The following LIMK2 variants were observed in gnomAD, a reference collection of about 807,000 sequenced individuals.
LIMK2 encodes the protein LIM domain kinase 2.
In LIMK2, 35 loss-of-function variants were observed where a neutral mutation model predicts 75.7. The observed-to-expected ratio is 0.46, with a 90% CI of 0.35 to 0.61. The LOEUF is 0.61. Among genes scored for constraint, LIMK2 ranks in the 20% least tolerant of loss-of-function variants. LIMK2 has a pLI of 0.00. For missense variants in LIMK2, 623 were observed against 831.0 expected (o/e 0.75, Z 3.08); for synonymous variants, 301 against 319.2 (o/e 0.94, Z 0.61).
chr22:31,233,561 AC>A (rs2048546170), intron 2 of LIMK2, among the ~76,000 whole-genome samples: 1 of 152,162 alleles, frequency 6.6e-6, no homozygotes, highest in African/African-American at 2.4e-5. Context: ...CACACTGATG[AC>A]CCTAAAATCA....
intron 13 of LIMK2, 119 bp downstream of exon 13, chr22:31,272,823 G>C (rs1423790576): frequency 7.0e-7 from 1 of 1,426,768 alleles, no homozygotes; most frequent in Admixed American, 2.9e-5. Flanking sequence ...ACCCAGAGCT[G>C]AGGATATTTT....
At chr22:31,271,243 C>G (rs1000084059) in intron 12 of LIMK2, 42 bp downstream of exon 12, 3 of 1,546,554 alleles carry the variant, frequency 1.9e-6, no homozygotes, top group Non-Finnish European at 2.7e-6. Context: ...GGGTCCTATC[C>G]TTCCTGGCTT....
chr22:31,241,271 G>A (rs2048621640), intron 2 of LIMK2, among the ~76,000 whole-genome samples: 1 of 152,240 alleles, frequency 6.6e-6, no homozygotes, highest in South Asian at 2.1e-4. Flanking sequence ...ATTTGAGGCA[G>A]TTTTAGTATG....
At chr22:31,218,244 A>G (rs899407613) in intron 1 of LIMK2, among the ~76,000 whole-genome samples, 14 of 152,250 alleles carry the variant, frequency 9.2e-5, no homozygotes, top group African/African-American at 3.4e-4. Context: ...GAGAGGTCAA[A>G]TAATTTGCCC....
Position 31,266,041 on chromosome 22 carries a change from G to A in LIMK2, c.950G>A (p.Cys317Tyr), listed in dbSNP as rs533618507. ...RDISRSESLR[C>Y]SSSYSQQIFR... ...ATCAGCCGCTCAGAATCCCTTCGTT[G>A]TTCCAGCAGCTATTCACAGCAGATC... The change falls in exon 8 of 16, where the codon TGT (cysteine) becomes TAT (tyrosine). Residue 317 changes from cysteine to tyrosine, a missense_variant. Cys to Tyr is a radical substitution (Grantham distance 194, BLOSUM62 -2). This residue lies in a region of LIMK2 where 514 missense variants were observed against 661.3 expected (regional missense o/e 0.78). Transcript: ENST00000331728. 6.8e-6 allele frequency: 11 copies of A among 1,614,190 alleles called. No individual in the cohort carries two copies. Among genetic ancestry groups the A allele is most frequent in the Middle Eastern group, 1.6e-4 (1 of 6,062 alleles).
At chr22:31,235,774 G>T (rs1022570755) in intron 2 of LIMK2, among the ~76,000 whole-genome samples, 24 of 152,210 alleles carry the variant, frequency 1.6e-4, no homozygotes, top group Non-Finnish European at 3.5e-4. Flanking sequence ...GATTTATGAT[G>T]GGGAGTGGGG....
At position 31,266,089 on chromosome 22, in the gene LIMK2, A is replaced by G. The variant is rs1347395200; in HGVS notation, c.998A>G (p.His333Arg). The change falls in exon 8 of 16, where the codon CAT becomes CGT. Residue 333 changes from histidine (H) to arginine (R), a missense_variant. Physicochemically the swap from His to Arg is conservative, Grantham distance 29. Coordinates refer to ENST00000331728, the MANE Select transcript of LIMK2 (RefSeq NM_005569.4). ...ATCTTCCGGCCCTGTGACCTAATCC[A>G]TGGGGAGGTCCTGGGGAAGGGCTTC... ...QQIFRPCDLI[H>R]GEVLGKGFFG... 2 of 1,613,998 alleles carry G rather than the reference A, an allele frequency of 1.2e-6. No individual in the cohort carries two copies. Among genetic ancestry groups the G allele is most frequent in the African/African-American group, 1.3e-5 (1 of 74,902 alleles).
chr22:31,217,617 A>G (rs1469785962), intron 1 of LIMK2, among the ~76,000 whole-genome samples: 4 of 152,172 alleles, frequency 2.6e-5, no homozygotes, highest in Non-Finnish European at 4.4e-5. Flanking sequence ...TTCCTCTATC[A>G]TTGACAACTG....
intron 2 of LIMK2, among the ~76,000 whole-genome samples, chr22:31,238,034 G>T (rs974680244): frequency 4.8e-5 from 7 of 147,276 alleles, no homozygotes; most frequent in African/African-American, 1.8e-4. Context: ...AGAATTGCTT[G>T]AACCCAGGAG....
At chr22:31,260,191 A>G (rs1601431765) in intron 5 of LIMK2, 114 bp downstream of exon 5, 1 of 866,388 alleles carries the variant, frequency 1.2e-6, no homozygotes, top group Middle Eastern at 2.7e-4. Context: ...CTCATCTCAT[A>G]TCTTTCTCCT....
At chr22:31,276,538 C>T (rs1027439820) in intron 15 of LIMK2, among the ~76,000 whole-genome samples, 1 of 146,576 alleles carries the variant, frequency 6.8e-6, no homozygotes, top group Non-Finnish European at 1.5e-5. Context: ...CAGGCCAGGC[C>T]CGGGGGCTCC....
intron 2 of LIMK2, among the ~76,000 whole-genome samples, chr22:31,239,826 C>T (rs867515032): frequency 1.3e-5 from 2 of 152,086 alleles, no homozygotes; most frequent in South Asian, 2.1e-4. Context: ...ATTTGTTGAA[C>T]GACTCTTTGG....
rs1360882138 is a variant in LIMK2, at chr22:31,262,556, G to C, written c.658-39G>C. The C allele has an allele frequency of 6.4e-7, 1 of 1,573,238 alleles. No homozygotes were observed. Among genetic ancestry groups the C allele is most frequent in the Non-Finnish European group, 8.7e-7 (1 of 1,153,706 alleles). ...GGTTGGCCATGGGTGGCCTGGGATG[G>C]GGCAGCCTGTGGGAGCTTTATACTG... On this transcript the variant is annotated intron_variant, in intron 6 of 15. Transcript: ENST00000331728. This position sits in a 1 kb window ranked among gnomAD's most constrained non-coding sequence, Gnocchi z 5.0.
At chr22:31,265,236 T>A (rs1329224460) in intron 7 of LIMK2, among the ~76,000 whole-genome samples, 1 of 131,640 alleles carries the variant, frequency 7.6e-6, no homozygotes, top group Non-Finnish European at 1.6e-5. Flanking sequence ...CGTGGTGGCG[T>A]GCACCTATAC....
At chr22:31,233,331 G>C (rs1308914183) in intron 2 of LIMK2, among the ~76,000 whole-genome samples, 7 of 152,228 alleles carry the variant, frequency 4.6e-5, no homozygotes, top group Admixed American at 4.6e-4. Flanking sequence ...GGACTTAACA[G>C]ATGTTAGCAT....
At chr22:31,249,599 G>A (rs992503157) in intron 2 of LIMK2, among the ~76,000 whole-genome samples, 3 of 152,166 alleles carry the variant, frequency 2.0e-5, no homozygotes, top group South Asian at 2.1e-4. Flanking sequence ...CCAGGCTAGG[G>A]TGGGGTTTGT....
At chr22:31,253,724 G>A (rs1037030428) in intron 2 of LIMK2, among the ~76,000 whole-genome samples, 2 of 152,232 alleles carry the variant, frequency 1.3e-5, no homozygotes, top group Admixed American at 1.3e-4. Context: ...CAGCTTTGCA[G>A]AATGATTTGA....
intron 2 of LIMK2, among the ~76,000 whole-genome samples, chr22:31,240,525 G>T: frequency 6.6e-6 from 1 of 151,448 alleles, no homozygotes. Flanking sequence ...CCGGGTTCAA[G>T]TGATTCCCCT....
intron 2 of LIMK2, among the ~76,000 whole-genome samples, chr22:31,236,079 G>C (rs779917091): frequency 6.6e-6 from 1 of 152,152 alleles, no homozygotes; most frequent in Non-Finnish European, 1.5e-5. Flanking sequence ...CAGATCACCT[G>C]AGGTGAGAAG....
Sources: gnomAD v4.1 joint callset for allele counts (sites outside exome capture counted in the v4.1 genomes callset) on GRCh38, gnomAD v4.1.1 for gene constraint, gnomAD v4.1.1 regional missense constraint, Gnocchi (gnomAD v3.1) non-coding constraint, MANE v1.5 for transcripts, NCBI Gene and HGNC (gene_info 2026-07-23, HGNC 2026-07-21) for gene names.